SALL4: variants seen among roughly 807,000 people sequenced by gnomAD.
The protein encoded by SALL4 is spalt like transcription factor 4.
Under a neutral mutation model 60.8 loss-of-function variants are expected in SALL4, and 4 were observed. The observed-to-expected ratio is 0.07, with a 90% CI of 0.03 to 0.15. The LOEUF is 0.15. SALL4 is among the 10% of genes least tolerant of loss of function. SALL4 has a pLI of 1.00. For missense variants in SALL4, 1,178 were observed against 1,394.7 expected, an observed-to-expected ratio of 0.84 and a Z score of 2.48; for synonymous variants, 580 against 574.9, an observed-to-expected ratio of 1.01 and a Z score of -0.13.
chr20:51,789,942 G>A (rs1002024894), intron 2 of SALL4, 80 bp downstream of exon 2: 133 of 1,570,262 alleles, frequency 8.5e-5, no homozygotes, highest in South Asian at 1.6e-4. Flanking sequence ...CATACTCTCC[G>A]TTTGTAAAGT....
At position 51,791,039 on chromosome 20, in the gene SALL4, A is replaced by C; in HGVS notation, c.1444T>G (p.Ser482Ala). 1 of 1,614,108 alleles carries C rather than the reference A, an allele frequency of 6.2e-7. No individual in the cohort carries two copies. The highest frequency in any genetic ancestry group is 8.5e-7 in the Non-Finnish European group (1 of 1,180,008). ...LDSKPVLVTT[S>A]VGLPQNLSSG... ...GAAAGATTCTGAGGTAGCCCTACAG[A>C]GGTGGTTACAAGGACAGGTTTGCTG... The change falls in exon 2 of 4, where the codon TCT (serine) becomes GCT (alanine). Residue 482 changes from serine to alanine, a missense_variant. Coordinates refer to ENST00000217086, the MANE Select transcript of SALL4 (RefSeq NM_020436.5). The surrounding 1 kb of genome is among the most constrained non-coding windows in gnomAD (Gnocchi z 4.6).
At chr20:51,794,370 A>C (rs897660673) in intron 1 of SALL4, among the ~76,000 whole-genome samples, 18 of 152,164 alleles carry the variant, frequency 1.2e-4, no homozygotes, top group African/African-American at 4.1e-4. Context: ...CCTGACCAAT[A>C]TGGTGAAACT....
In SALL4 at chr20:51,791,043, G is replaced by A. The variant is rs1279219209; in HGVS notation, c.1440C>T (p.Thr480=). Residue 480 remains threonine, a synonymous_variant, in exon 2 of 4, where the codon ACC becomes ACT. Transcript: ENST00000217086. The surrounding 1 kb of genome is among the most constrained non-coding windows in gnomAD (Gnocchi z 4.6). ...LSLDSKPVLV[T]TSVGLPQNLS... ...GATTCTGAGGTAGCCCTACAGAGGTGGTTACAAGGACAGGTTTGCTGTCTA... is the reference window on the plus strand; with the variant it reads ...GATTCTGAGGTAGCCCTACAGAGGTAGTTACAAGGACAGGTTTGCTGTCTA... The A allele has an allele frequency of 1.9e-6, 3 of 1,614,022 alleles. No homozygotes were observed. Among genetic ancestry groups the A allele is most frequent in the Admixed American group, 3.3e-5 (2 of 60,000 alleles).
In SALL4 at chr20:51,784,503, A is replaced by G; in HGVS notation, c.2924T>C (p.Met975Thr). The G allele has an allele frequency of 6.2e-7, 1 of 1,614,174 alleles. No homozygotes were observed. Among genetic ancestry groups the G allele is most frequent in the South Asian group, 1.1e-5 (1 of 91,070 alleles). Reference protein sequence around the residue: ...DPVVWNQYTSMLNGGLAVKTN... With the variant: ...DPVVWNQYTSTLNGGLAVKTN... The stretch of plus-strand genomic sequence containing the variant: ...CTTCACGGCCAGACCGCCATTGAGC[A>G]TGCTGGTGTACTGGTTCCACACAAC... Residue 975 changes from methionine (M) to threonine (T), a missense_variant, in exon 4 of 4, where the codon ATG (methionine) becomes ACG (threonine). Coordinates refer to ENST00000217086, the MANE Select transcript of SALL4 (RefSeq NM_020436.5).
At chr20:51,800,544 C>A (rs2078103348) in intron 1 of SALL4, among the ~76,000 whole-genome samples, 1 of 152,220 alleles carries the variant, frequency 6.6e-6, no homozygotes. Context: ...CCAAACACCA[C>A]CAAAAGCCCC....
At chr20:51,787,383 C>A (rs184299070) in intron 3 of SALL4, among the ~76,000 whole-genome samples, 2 of 152,288 alleles carry the variant, frequency 1.3e-5, no homozygotes, top group East Asian at 3.9e-4. Context: ...GAGATTGCAC[C>A]GTTGCACTCC....
rs1291111408 is a variant in SALL4, at chr20:51,790,427, C to T, written c.2056G>A (p.Asp686Asn). 6.2e-7 allele frequency: 1 copy of T among 1,613,504 alleles called. No individual in the cohort carries two copies. Among genetic ancestry groups the T allele is most frequent in the Admixed American group, 1.7e-5 (1 of 59,986 alleles). ...NGSTGAICHD[D>N]VIESIDVEEV... ...TCTACATCGATGCTTTCGATGACAT[C>T]ATCATGGCAGATAGCGCCGGTGCTG... The change falls in exon 2 of 4, where the codon GAT (aspartate) becomes AAT (asparagine). Residue 686 changes from aspartate to asparagine, a missense_variant. By Grantham distance (23) the Asp-to-Asn change is conservative. This residue lies in a region of SALL4 where 853 missense variants were observed against 1,036.8 expected (regional missense o/e 0.82). Transcript: ENST00000217086. This position sits in a 1 kb window ranked among gnomAD's most constrained non-coding sequence, Gnocchi z 5.5.
At chr20:51,794,958 T>C (rs1425739899) in intron 1 of SALL4, among the ~76,000 whole-genome samples, 1 of 152,036 alleles carries the variant, frequency 6.6e-6, no homozygotes, top group African/African-American at 2.4e-5. Flanking sequence ...GCCTGGGAGG[T>C]TGCCTTGGTT....
rs781770600 is a variant in SALL4 at position 51,784,346 on chromosome 20, C to T, written c.3081G>A (p.Val1027=). The T allele has an allele frequency of 3.1e-6, 5 of 1,614,150 alleles. No individual in the cohort carries two copies. Among genetic ancestry groups the T allele is most frequent in the Non-Finnish European group, 4.2e-6 (5 of 1,180,042 alleles). The stretch of plus-strand genomic sequence containing the variant: ...CGCCGTCAGTAGCACTTGGTTTTTC[C>T]ACATCTGCACTGATACCCGACTGGG... The part of the protein sequence containing the change: ...DGSQSGISAD[V]EKPSATDGVP... Residue 1027 remains valine, a synonymous_variant, in exon 4 of 4, where the codon GTG becomes GTA. Coordinates refer to ENST00000217086, the MANE Select transcript of SALL4 (RefSeq NM_020436.5).
intron 2 of SALL4, among the ~76,000 whole-genome samples, chr20:51,789,614 C>T (rs2078019861): frequency 6.6e-6 from 1 of 152,126 alleles, no homozygotes; most frequent in Non-Finnish European, 1.5e-5. Context: ...AGTCAGGGAA[C>T]CACGGCTTAT....
rs758006621 is a variant in SALL4 at position 51,784,384 on chromosome 20, T to G, written c.3043A>C (p.Lys1015Gln). ...ATACCCGACTGGGAGCCATCCATCTTGGAGACAGTGGCGTTATTCACAACG... is the reference window on the plus strand; with the variant it reads ...ATACCCGACTGGGAGCCATCCATCTGGGAGACAGTGGCGTTATTCACAACG... ...TSVVNNATVS[K>Q]MDGSQSGISA... The change falls in exon 4 of 4, where the codon AAG becomes CAG. Residue 1015 changes from lysine (K) to glutamine (Q), a missense_variant. Around this residue, in one of 5 missense-constraint regions of SALL4, gnomAD observed 174 missense variants for 169.6 expected, o/e 1.03. Coordinates refer to ENST00000217086, the MANE Select transcript of SALL4 (RefSeq NM_020436.5). 3.1e-6 allele frequency: 5 copies of G among 1,614,196 alleles called. No individual in the cohort carries two copies. In the Admixed American group the frequency reaches 6.7e-5, roughly 22 times the overall value.
Position 51,791,392 on chromosome 20 carries a change from G to A in SALL4, c.1091C>T (p.Pro364Leu), listed in dbSNP as rs1313487388. Residue 364 changes from proline (P) to leucine (L), a missense_variant, in exon 2 of 4, where the codon CCG becomes CTG. Pro to Leu is a moderately conservative substitution (Grantham distance 98). Coordinates refer to ENST00000217086, the MANE Select transcript of SALL4 (RefSeq NM_020436.5). The surrounding 1 kb of genome is among the most constrained non-coding windows in gnomAD (Gnocchi z 4.6). ...DTSKKGKGKP[P>L]NISAVDVKPK... Reference sequence around the variant, plus strand: ...TTTGACATCCACCGCGGAGATGTTCGGTGGCTTCCCCTTCCCTTTCTTGGA... The same window carrying A: ...TTTGACATCCACCGCGGAGATGTTCAGTGGCTTCCCCTTCCCTTTCTTGGA... The A allele has an allele frequency of 5.0e-6, 8 of 1,614,070 alleles. No homozygotes were observed. Among genetic ancestry groups the A allele is most frequent in the African/African-American group, 2.7e-5 (2 of 74,922 alleles).
At chr20:51,787,929 C>T (rs1266544728) in intron 3 of SALL4, among the ~76,000 whole-genome samples, 2 of 152,078 alleles carry the variant, frequency 1.3e-5, no homozygotes, top group African/African-American at 2.4e-5. Flanking sequence ...TCAAGTGATC[C>T]TCCCACTTCA....
intron 1 of SALL4, 37 bp downstream of exon 1, chr20:51,802,242 G>A: frequency 1.3e-6 from 2 of 1,561,312 alleles, no homozygotes; most frequent in Non-Finnish European, 1.7e-6. Context: ...CGTCCGGGAA[G>A]CTCCCCTCCC....
Position 51,783,123 on chromosome 20 carries a change from C to G in SALL4, c.*1142G>C, listed in dbSNP as rs527950183. ...ACACGCCCTTCCACGAGTTTCTTCT[C>G]GAGCATGAAAACCCAGTTCTTCAAT... On this transcript the variant is annotated 3_prime_UTR_variant, in exon 4 of 4. Coordinates refer to ENST00000217086, the MANE Select transcript of SALL4 (RefSeq NM_020436.5). 2.6e-5 allele frequency: 4 copies of G among 152,230 alleles called. No homozygotes were observed. The highest frequency in any genetic ancestry group is 3.9e-4 in the East Asian group (2 of 5,176). 9.4% of individuals were successfully genotyped at this position (152,230 alleles called of 1,614,324 possible).
Position 51,783,674 on chromosome 20 carries a change from T to C in SALL4, c.*591A>G, listed in dbSNP as rs2077968858. The C allele has an allele frequency of 6.3e-6, 1 of 159,176 alleles. No homozygotes were observed. The highest frequency in any genetic ancestry group is 1.4e-5 in the Non-Finnish European group (1 of 72,182). The allele number at this position is 159,176 out of a possible 1,614,324, so 9.9% of individuals were successfully genotyped here. On this transcript the variant is annotated 3_prime_UTR_variant, in exon 4 of 4. Transcript: ENST00000217086. ...TGTACAAAGGTTCTATGTATACGTC[T>C]GTTACAAGTAACAAAGCTACTTTGC...
At chr20:51,785,693 G>GA (rs1442930065) in intron 3 of SALL4, among the ~76,000 whole-genome samples, 1 of 151,944 alleles carries the variant, frequency 6.6e-6, no homozygotes, top group African/African-American at 2.4e-5. Flanking sequence ...GCCCAGGCTG[G>GA]AGTGCAGTGG....
At position 51,790,584 on chromosome 20, in the gene SALL4, C is replaced by A; in HGVS notation, c.1899G>T (p.Lys633Asn). The A allele has an allele frequency of 6.2e-7, 1 of 1,614,196 alleles. No homozygotes were observed. The highest frequency in any genetic ancestry group is 2.2e-5 in the East Asian group (1 of 44,880). ...GCAGCATCACGGCATTAGTGAACTTCTTCTGGCAGATGGGGCACGAATGCT... is the reference window on the plus strand; with the variant it reads ...GCAGCATCACGGCATTAGTGAACTTATTCTGGCAGATGGGGCACGAATGCT... ...KTQHSCPICQ[K>N]KFTNAVMLQQ... The change falls in exon 2 of 4, where the codon AAG becomes AAT. Residue 633 changes from lysine (K) to asparagine (N), a missense_variant. Transcript: ENST00000217086. This position sits in a 1 kb window ranked among gnomAD's most constrained non-coding sequence, Gnocchi z 5.5.
At chr20:51,787,713 C>T (rs2122957496) in intron 3 of SALL4, among the ~76,000 whole-genome samples, 1 of 152,110 alleles carries the variant, frequency 6.6e-6, no homozygotes, top group Middle Eastern at 3.4e-3. Context: ...TGCTATGTTG[C>T]CCAGGCTGGT....
Sources: gnomAD v4.1 joint callset for allele counts (sites outside exome capture counted in the v4.1 genomes callset) on GRCh38, gnomAD v4.1.1 for gene constraint, gnomAD v4.1.1 regional missense constraint, Gnocchi (gnomAD v3.1) non-coding constraint, MANE v1.5 for transcripts, NCBI Gene and HGNC (gene_info 2026-07-23, HGNC 2026-07-21) for gene names.